LRP1B: variants seen among roughly 807,000 people sequenced by gnomAD.
LRP1B encodes LDL receptor related protein 1B, also known as low-density lipoprotein receptor-related protein 1B.
LRP1B carries 217 observed loss-of-function variants against 556.6 expected under a neutral mutation model. The ratio of observed to expected loss-of-function variants is 0.39; its 90% CI spans 0.35 to 0.44. The LOEUF is 0.44. Ranked by LOEUF, LRP1B falls within the 20% of genes least tolerant of loss-of-function variation. The probability of loss-of-function intolerance (pLI) is 1.00; values close to 1 mark genes in which losing one functional copy is unlikely to be tolerated. For missense variants in LRP1B, 5,053 were observed against 5,620.8 expected (o/e 0.90, Z 3.23); for synonymous variants, 2,047 against 1,865.8 (o/e 1.10, Z -2.50).
intron 2 of LRP1B, among the ~76,000 whole-genome samples, chr2:141,709,632 A>C (rs993978205): frequency 6.6e-6 from 1 of 152,182 alleles, no homozygotes; most frequent in Non-Finnish European, 1.5e-5. Flanking sequence ...AAATGTGTAC[A>C]TCAGATTATC....
In LRP1B at chr2:140,867,840, G is replaced by A. The variant is rs1227161552; in HGVS notation, c.4335-6C>T. ...CTGAATAAATAGCATCTGACCTACAGAAAGATAAATACATGAGTAGTTTGT... is the reference window on the plus strand; with the variant it reads ...CTGAATAAATAGCATCTGACCTACAAAAAGATAAATACATGAGTAGTTTGT... On this transcript the variant is annotated splice_region_variant and splice_polypyrimidine_tract_variant and intron_variant, in intron 26 of 90. Transcript: ENST00000389484. 1 of 1,520,778 alleles carries A rather than the reference G, an allele frequency of 6.6e-7. No homozygotes were observed. Among genetic ancestry groups the A allele is most frequent in the Middle Eastern group, 1.8e-4 (1 of 5,622 alleles). 94.2% of individuals were successfully genotyped at this position (1,520,778 alleles called of 1,614,324 possible).
intron 66 of LRP1B, among the ~76,000 whole-genome samples, chr2:140,430,020 C>A (rs998495128): frequency 1.3e-5 from 2 of 152,170 alleles, no homozygotes; most frequent in Non-Finnish European, 2.9e-5. Context: ...TGATACCACA[C>A]CTGACCCCCA....
chr2:140,767,641 T>C (rs1328783021), intron 35 of LRP1B, among the ~76,000 whole-genome samples: 1 of 151,446 alleles, frequency 6.6e-6, no homozygotes, highest in South Asian at 2.1e-4. Context: ...ATTTTATTTT[T>C]TTTAATTATT....
rs1294650801 is a variant in LRP1B at position 141,635,040 on chromosome 2, A to T, written c.206-154507T>A. Among the ~76,000 whole-genome samples, 8 of 71,538 alleles carry T rather than the reference A, an allele frequency of 1.1e-4. No homozygotes were observed. In the Admixed American group the frequency reaches 1.6e-3, roughly 14 times the overall value. The allele number at this position is 71,538 out of a possible 152,430, so 46.9% of individuals were successfully genotyped here. On this transcript the variant is annotated intron_variant, in intron 2 of 90. Transcript: ENST00000389484. ...GACCGCATAACATATAGTCAGAACT[A>T]TAGTGAAACACACACACACACACAC...
chr2:141,780,505 G>GA lies in LRP1B; in HGVS notation c.205+29773dup, dbSNP rs1438979481. On this transcript the variant is annotated intron_variant, in intron 2 of 90. Coordinates refer to ENST00000389484, the MANE Select transcript of LRP1B (RefSeq NM_018557.3). ...AAATGCTTATCAACCAATTGTCCAG[G>GA]AAAAAAATCAGCGATTTTTAGCATT... Among the ~76,000 whole-genome samples the GA allele has an allele frequency of 2.6e-5, 4 of 151,986 alleles. No individual in the cohort carries two copies. The East Asian group carries it at 7.7e-4, about 29-fold the overall frequency.
chr2:141,672,191 C>T (rs1690697679), intron 2 of LRP1B, among the ~76,000 whole-genome samples: 1 of 152,052 alleles, frequency 6.6e-6, no homozygotes, highest in Non-Finnish European at 1.5e-5. Context: ...TCTCAGGCAG[C>T]TTCTACTACA....
At chr2:141,723,970 T>G (rs1692936787) in intron 2 of LRP1B, among the ~76,000 whole-genome samples, 1 of 151,906 alleles carries the variant, frequency 6.6e-6, no homozygotes, top group African/African-American at 2.4e-5. Flanking sequence ...ATGTTTCCAG[T>G]TATGGCTAAT....
chr2:141,645,216 T>G (rs982039121), intron 2 of LRP1B, among the ~76,000 whole-genome samples: 13 of 152,124 alleles, frequency 8.5e-5, no homozygotes, highest in African/African-American at 3.1e-4. Context: ...AAGATTAGGA[T>G]AAATTCTCTC....
In LRP1B at chr2:140,274,595, A is replaced by G. The variant is rs2104952782; in HGVS notation, c.12971T>C (p.Val4324Ala). ...AGAATTCACACAATAGTGGTGGCACACGTCTAGGAAAAAAAGGCACAACAG... is the reference window on the plus strand; with the variant it reads ...AGAATTCACACAATAGTGGTGGCACGCGTCTAGGAAAAAAAGGCACAACAG... ...EYTGDRCQYYVCHHYCVNSES... is the reference protein window; with the variant it reads ...EYTGDRCQYYACHHYCVNSES... Residue 4324 changes from valine to alanine, a missense_variant, in exon 85 of 91, where the codon GTG becomes GCG. This residue lies in a region of LRP1B where 551 missense variants were observed against 592.0 expected (regional missense o/e 0.93). Coordinates refer to ENST00000389484, the MANE Select transcript of LRP1B (RefSeq NM_018557.3). 6.2e-7 allele frequency: 1 copy of G among 1,607,424 alleles called. No homozygotes were observed.
At chr2:141,083,314 A>G (rs1429579793) in intron 7 of LRP1B, among the ~76,000 whole-genome samples, 5 of 152,102 alleles carry the variant, frequency 3.3e-5, no homozygotes, top group Non-Finnish European at 7.4e-5. Flanking sequence ...AATGTTAGCT[A>G]AAACTTAACA....
chr2:140,759,932 C>A (rs576037941), intron 35 of LRP1B, among the ~76,000 whole-genome samples: 2 of 152,162 alleles, frequency 1.3e-5, no homozygotes, highest in Non-Finnish European at 2.9e-5. Context: ...TTTTATTAAT[C>A]AAAGAGCTAC....
At chr2:141,668,662 C>T (rs1454225245) in intron 2 of LRP1B, among the ~76,000 whole-genome samples, 1 of 152,180 alleles carries the variant, frequency 6.6e-6, no homozygotes, top group East Asian at 1.9e-4. Flanking sequence ...ACTCACAAAA[C>T]CCCTGCATTC....
At chr2:140,245,473 A>G (rs1328549094) in intron 87 of LRP1B, among the ~76,000 whole-genome samples, 1 of 151,452 alleles carries the variant, frequency 6.6e-6, no homozygotes, top group Non-Finnish European at 1.5e-5. Flanking sequence ...TTGATGCTCT[A>G]AAAAGGCTGT....
intron 2 of LRP1B, among the ~76,000 whole-genome samples, chr2:141,755,590 G>A (rs1449267594): frequency 6.6e-6 from 1 of 151,884 alleles, no homozygotes; most frequent in Admixed American, 6.6e-5. Context: ...CTTTTGGAGG[G>A]CAACAAGTCA....
rs1209467820 is a variant in LRP1B, at chr2:140,239,528, G to A, written c.13329C>T (p.Ser4443=). 2.1e-5 allele frequency: 34 copies of A among 1,596,962 alleles called. No homozygotes were observed. The highest frequency in any genetic ancestry group is 2.9e-5 in the Non-Finnish European group (34 of 1,168,492). Residue 4443 remains serine, a synonymous_variant, in exon 88 of 91, where the codon AGC becomes AGT. Coordinates refer to ENST00000389484, the MANE Select transcript of LRP1B (RefSeq NM_018557.3). ...GGACGAGAGGCACAATGATGGCAATGCTTCCTGGAAAATAAATGAGTGAAT... is the reference window on the plus strand; with the variant it reads ...GGACGAGAGGCACAATGATGGCAATACTTCCTGGAAAATAAATGAGTGAAT... ...SSKSDHISTR[S]IAIIVPLVLL...
chr2:141,167,383 T>G (rs1403716092), intron 7 of LRP1B: 4 of 151,922 alleles, frequency 2.6e-5, no homozygotes, highest in South Asian at 2.1e-4. Context: ...TATACAAATA[T>G]AGTTCCCATT....
chr2:141,747,723 C>G (rs1348515322), intron 2 of LRP1B, among the ~76,000 whole-genome samples: 1 of 152,164 alleles, frequency 6.6e-6, no homozygotes, highest in African/African-American at 2.4e-5. Context: ...GGGTAATAGG[C>G]AAGGAATGAT....
At position 141,421,125 on chromosome 2, in the gene LRP1B, A is replaced by G. The variant is rs982908375; in HGVS notation, c.343+59271T>C. Among the ~76,000 whole-genome samples, 6 of 152,172 alleles carry G rather than the reference A, an allele frequency of 3.9e-5. No individual in the cohort carries two copies. In the East Asian group the frequency reaches 9.6e-4, roughly 24 times the overall value. Reference sequence around the variant, plus strand: ...ACTTTGGTTCATACACTGTTGTTAAAGTGATGTTTTTGTGGAGGAACAAGG... The same window carrying G: ...ACTTTGGTTCATACACTGTTGTTAAGGTGATGTTTTTGTGGAGGAACAAGG... On this transcript the variant is annotated intron_variant, in intron 3 of 90. Transcript: ENST00000389484.
chr2:141,660,658 T>A (rs1574208329), intron 2 of LRP1B, among the ~76,000 whole-genome samples: 1 of 152,154 alleles, frequency 6.6e-6, no homozygotes, highest in South Asian at 2.1e-4. Context: ...CAGAGTTTTA[T>A]GGACAGAACT....
Sources: gnomAD v4.1 joint callset for allele counts (sites outside exome capture counted in the v4.1 genomes callset) on GRCh38, gnomAD v4.1.1 for gene constraint, gnomAD v4.1.1 regional missense constraint, MANE v1.5 for transcripts, NCBI Gene and HGNC (gene_info 2026-07-23, HGNC 2026-07-21) for gene names.